The following CSTA variants were observed in gnomAD, a reference collection of about 807,000 sequenced individuals.
CSTA encodes cystatin A.
A neutral mutation model predicts 9.2 loss-of-function variants in CSTA; 9 were observed. That is an observed-to-expected ratio of 0.97 (90% CI 0.59 to 1.70). The LOEUF is 1.70. CSTA is among the 40% of genes most tolerant of loss of function. CSTA has a pLI of 0.00. For synonymous variants in CSTA, 36 were observed against 40.6 expected, an observed-to-expected ratio of 0.89 and a Z score of 0.43; for missense variants, 118 against 113.1, an observed-to-expected ratio of 1.04 and a Z score of -0.20.
At chr3:122,328,679 C>G (rs984164087) in intron 1 of CSTA, among the ~76,000 whole-genome samples, 1 of 151,464 alleles carries the variant, frequency 6.6e-6, no homozygotes, top group Non-Finnish European at 1.5e-5. Flanking sequence ...ACCAGCCTCA[C>G]AGTTAAGTCC....
chr3:122,341,317 A>T lies in CSTA; in HGVS notation c.169-122A>T, dbSNP rs942440682. 43 of 964,674 alleles carry T rather than the reference A, an allele frequency of 4.5e-5. No individual in the cohort carries two copies. In the African/African-American group the frequency reaches 6.1e-4, roughly 14 times the overall value. The allele number at this position is 964,674 out of a possible 1,614,324, so 59.8% of individuals were successfully genotyped here. A position where few individuals can be genotyped will look rare whatever the true frequency, so the allele number is the denominator to read the frequency against. On this transcript the variant is annotated intron_variant, in intron 2 of 2. Transcript: ENST00000264474. The stretch of plus-strand genomic sequence containing the variant: ...AGTCTAAGAATGGTGGACTAGGTCT[A>T]GCAATGCTGTTCCTCAGCAGCTTTT...
At chr3:122,333,362 T>A (rs542098155) in intron 1 of CSTA, among the ~76,000 whole-genome samples, 1 of 151,900 alleles carries the variant, frequency 6.6e-6, no homozygotes, top group Non-Finnish European at 1.5e-5. Flanking sequence ...ATATAAAAAA[T>A]TAGCTGGGAG....
chr3:122,339,310 G>A (rs562154463), intron 2 of CSTA, among the ~76,000 whole-genome samples: 4 of 152,124 alleles, frequency 2.6e-5, no homozygotes, highest in Non-Finnish European at 5.9e-5. Flanking sequence ...GAAATTTATT[G>A]AGCACTTATA....
At chr3:122,338,209 G>C (rs931663526) in intron 2 of CSTA, 1 of 152,378 alleles carries the variant, frequency 6.6e-6, no homozygotes, top group South Asian at 2.1e-4. Context: ...ATTTAAAATA[G>C]TTTAAAAGTT....
At position 122,325,326 on chromosome 3, in the gene CSTA, G is replaced by A. The variant is rs780376749; in HGVS notation, c.34G>A (p.Ala12Thr). The A allele has an allele frequency of 2.4e-5, 38 of 1,614,032 alleles. No individual in the cohort carries two copies. Among genetic ancestry groups the A allele is most frequent in the Admixed American group, 8.3e-5 (5 of 59,992 alleles). ...IPGGLSEAKPATPEIQEIVDK... is the reference protein window; with the variant it reads ...IPGGLSEAKPTTPEIQEIVDK... Reference sequence around the variant, plus strand: ...TGGAGGCTTATCTGAGGCCAAACCCGCCACTCCAGAAATCCAGGAGATTGT... The same window carrying A: ...TGGAGGCTTATCTGAGGCCAAACCCACCACTCCAGAAATCCAGGAGATTGT... Residue 12 changes from alanine (A) to threonine (T), a missense_variant, in exon 1 of 3, where the codon GCC becomes ACC. By Grantham distance (58) the Ala-to-Thr change is moderately conservative. Coordinates refer to ENST00000264474, the MANE Select transcript of CSTA (RefSeq NM_005213.4).
rs570622749 is a variant in CSTA at position 122,334,836 on chromosome 3, T to C, written c.67-2711T>C. On this transcript the variant is annotated intron_variant, in intron 1 of 2. Coordinates refer to ENST00000264474, the MANE Select transcript of CSTA (RefSeq NM_005213.4). ...GAAGCTAAGCCCATAGAGGGGAAAG[T>C]CTAAGCCAGAAGCAAGCAGATTCAC... Among the ~76,000 whole-genome samples, 9 of 152,172 alleles carry C rather than the reference T, an allele frequency of 5.9e-5. No individual in the cohort carries two copies. The South Asian group carries it at 1.9e-3, about 32-fold the overall frequency.
chr3:122,330,928 T>C (rs907998161), intron 1 of CSTA, among the ~76,000 whole-genome samples: 3 of 152,154 alleles, frequency 2.0e-5, no homozygotes, highest in Non-Finnish European at 4.4e-5. Flanking sequence ...ACCAAATAAA[T>C]GAATGGCCCA....
intron 1 of CSTA, among the ~76,000 whole-genome samples, chr3:122,332,404 A>G (rs1346320113): frequency 1.3e-5 from 2 of 152,178 alleles, no homozygotes; most frequent in Non-Finnish European, 2.9e-5. Context: ...CTTTCATGTT[A>G]CTATTCAAAC....
At chr3:122,326,876 T>C (rs1438028855) in intron 1 of CSTA, among the ~76,000 whole-genome samples, 1 of 152,188 alleles carries the variant, frequency 6.6e-6, no homozygotes, top group Non-Finnish European at 1.5e-5. Context: ...CTGCCACCCA[T>C]GGCCTTGCTT....
chr3:122,338,927 C>G (rs193050111), intron 2 of CSTA, among the ~76,000 whole-genome samples: 1 of 152,288 alleles, frequency 6.6e-6, no homozygotes, highest in East Asian at 1.9e-4. Context: ...TTTGCCCTCT[C>G]TTAATCAGTC....
rs28463145 is a variant in CSTA at position 122,333,710 on chromosome 3, A to G, written c.67-3837A>G. ...AGAAAGAGAGAGAGAAAGAAAGAAA[A>G]AGAAAGAAAGAGAAAGAAAGAAAGA... is the stretch of plus-strand genomic sequence containing the variant. On this transcript the variant is annotated intron_variant, in intron 1 of 2. Coordinates refer to ENST00000264474, the MANE Select transcript of CSTA (RefSeq NM_005213.4). Among the ~76,000 whole-genome samples, 409 of 115,616 alleles carry G rather than the reference A, an allele frequency of 3.5e-3. 7 individuals are homozygous for G. The highest frequency in any genetic ancestry group is 0.027 in the Middle Eastern group (5 of 186). The allele number at this position is 115,616 out of a possible 152,430, so 75.8% of individuals were successfully genotyped here. A position where few individuals can be genotyped will look rare whatever the true frequency, so the allele number is the denominator to read the frequency against.
At position 122,341,488 on chromosome 3, in the gene CSTA, T is replaced by C; in HGVS notation, c.218T>C (p.Leu73Pro). 6.2e-7 allele frequency: 1 copy of C among 1,614,040 alleles called. No homozygotes were observed. The highest frequency in any genetic ancestry group is 8.5e-7 in the Non-Finnish European group (1 of 1,179,930). ...KYMHLKVFKS[L>P]PGQNEDLVLT... Reference sequence around the variant, plus strand: ...ATGCACTTGAAAGTATTCAAAAGTCTTCCCGGACAAAATGAGGACTTGGTA... The same window carrying C: ...ATGCACTTGAAAGTATTCAAAAGTCCTCCCGGACAAAATGAGGACTTGGTA... Residue 73 changes from leucine (L) to proline (P), a missense_variant, in exon 3 of 3, where the codon CTT becomes CCT. Transcript: ENST00000264474.
rs1382133964 is a variant in CSTA, at chr3:122,341,577, C to T, written c.*10C>T. 13 of 1,613,940 alleles carry T rather than the reference C, an allele frequency of 8.1e-6. No individual in the cohort carries two copies. The highest frequency in any genetic ancestry group is 2.2e-5 in the East Asian group (1 of 44,888). The stretch of plus-strand genomic sequence containing the variant: ...GCTGACGGGCTTTTAGCAGCATGTA[C>T]CCAAAGTGTTCTGATTCCTTCAACT... On this transcript the variant is annotated 3_prime_UTR_variant, in exon 3 of 3. Coordinates refer to ENST00000264474, the MANE Select transcript of CSTA (RefSeq NM_005213.4).
intron 1 of CSTA, among the ~76,000 whole-genome samples, chr3:122,326,093 ACT>A (rs1160907308): frequency 6.6e-6 from 1 of 152,164 alleles, no homozygotes; most frequent in East Asian, 1.9e-4. Context: ...ATCACGGCTC[ACT>A]GTAGCCTCAA....
intron 1 of CSTA, among the ~76,000 whole-genome samples, chr3:122,328,636 A>G (rs2075184216): frequency 6.6e-6 from 1 of 151,932 alleles, no homozygotes; most frequent in Non-Finnish European, 1.5e-5. Flanking sequence ...CTGAATGGAG[A>G]GAGTGTGGTA....
At chr3:122,341,231 G>T (rs562648961) in intron 2 of CSTA, among the ~76,000 whole-genome samples, 4 of 152,082 alleles carry the variant, frequency 2.6e-5, no homozygotes, top group African/African-American at 9.7e-5. Flanking sequence ...GGGAGCCACG[G>T]CACCCAGCCT....
chr3:122,332,353 C>T (rs1211167854), intron 1 of CSTA, among the ~76,000 whole-genome samples: 1 of 152,178 alleles, frequency 6.6e-6, no homozygotes, highest in Non-Finnish European at 1.5e-5. Context: ...CATACTTAGA[C>T]AATAAATGTC....
intron 1 of CSTA, among the ~76,000 whole-genome samples, chr3:122,332,924 G>C (rs1439993444): frequency 6.6e-6 from 1 of 152,150 alleles, no homozygotes. Flanking sequence ...TCACTGACAA[G>C]CTCCCCTACT....
chr3:122,329,727 G>T (rs1311967377), intron 1 of CSTA, among the ~76,000 whole-genome samples: 1 of 152,194 alleles, frequency 6.6e-6, no homozygotes, highest in Admixed American at 6.5e-5. Context: ...GGAGTTTACA[G>T]GGTAGTTGGG....
Sources: gnomAD v4.1 joint callset for allele counts (sites outside exome capture counted in the v4.1 genomes callset) on GRCh38, gnomAD v4.1.1 for gene constraint, MANE v1.5 for transcripts, NCBI Gene and HGNC (gene_info 2026-07-23, HGNC 2026-07-21) for gene names.